The following RCOR3 variants were observed in gnomAD, a reference collection of about 807,000 sequenced individuals.
The protein encoded by RCOR3 is REST corepressor 3.
A neutral mutation model predicts 64.1 loss-of-function variants in RCOR3; 13 were observed. The observed-to-expected ratio is 0.20, with a 90% CI of 0.13 to 0.32. The LOEUF is 0.32. Among genes scored for constraint, RCOR3 ranks in the 10% least tolerant of loss-of-function variants. The probability of loss-of-function intolerance (pLI) is 1.00; values close to 1 mark genes in which losing one functional copy is unlikely to be tolerated. For missense variants in RCOR3, 489 were observed against 701.2 expected (o/e 0.70, Z 3.42); for synonymous variants, 215 against 239.0 (o/e 0.90, Z 0.93).
At chr1:211,261,023 G>A (rs1251132353) in intron 2 of RCOR3, 1 of 152,204 alleles carries the variant, frequency 6.6e-6, no homozygotes, top group Non-Finnish European at 1.5e-5. Flanking sequence ...GGAGTGGAGC[G>A]CGTTTCCTTC....
At chr1:211,266,747 A>G (rs572509821) in intron 2 of RCOR3, among the ~76,000 whole-genome samples, 41 of 152,224 alleles carry the variant, frequency 2.7e-4, no homozygotes, top group Non-Finnish European at 5.1e-4. Context: ...TGTCTGTTCA[A>G]TGTTTTAGTT....
chr1:211,287,265 A>G (rs1698663197), intron 7 of RCOR3, among the ~76,000 whole-genome samples: 2 of 151,760 alleles, frequency 1.3e-5, no homozygotes, highest in South Asian at 2.1e-4. Flanking sequence ...TTTTTTTCCT[A>G]CTTCACAAAG....
In RCOR3 at chr1:211,288,048, A is replaced by C. The variant is rs997365719; in HGVS notation, c.721-1130A>C. Among the ~76,000 whole-genome samples the C allele has an allele frequency of 5.3e-5, 8 of 151,948 alleles. No individual in the cohort carries two copies. The East Asian group carries it at 1.5e-3, about 29-fold the overall frequency. ...AACATGGTGAGACTCCCGTCTCTACAAAAAAAGAAAAATTAGCCAGGCATA... is the reference window on the plus strand; with the variant it reads ...AACATGGTGAGACTCCCGTCTCTACCAAAAAAGAAAAATTAGCCAGGCATA... On this transcript the variant is annotated intron_variant, in intron 7 of 11. Transcript: ENST00000419091.
At chr1:211,260,759 T>TGGG (rs1445480747) in intron 2 of RCOR3, among the ~76,000 whole-genome samples, 11 of 131,634 alleles carry the variant, frequency 8.4e-5, no homozygotes, top group Non-Finnish European at 1.8e-4. Flanking sequence ...GGGAAGGGGG[T>TGGG]GGGGAGACGC....
chr1:211,259,489 G>T lies in RCOR3; in HGVS notation c.-72G>T, dbSNP rs2102395727. 7.0e-7 allele frequency: 1 copy of T among 1,426,332 alleles called. No homozygotes were observed. The highest frequency in any genetic ancestry group is 1.3e-5 in the South Asian group (1 of 74,692). 88.4% of individuals were successfully genotyped at this position (1,426,332 alleles called of 1,614,324 possible). On this transcript the variant is annotated 5_prime_UTR_variant, in exon 1 of 12. Transcript: ENST00000419091. ...TCCTCCTCCTTTCCCTCCCGCCCGC[G>T]CTCTAAGCCATCTCCGCCTTCACCC...
chr1:211,289,154 G>T (rs1411392467), intron 7 of RCOR3, 24 bp from the exon 8 acceptor site: 1 of 1,577,804 alleles, frequency 6.3e-7, no homozygotes, highest in East Asian at 2.2e-5. Flanking sequence ...CAAGTGACCT[G>T]TTATTCTGCT....
intron 9 of RCOR3, chr1:211,302,100 A>G (rs1287378963): frequency 6.6e-6 from 1 of 152,230 alleles, no homozygotes; most frequent in African/African-American, 2.4e-5. Flanking sequence ...AAAAATTGCC[A>G]AACAAGAACA....
Position 211,313,892 on chromosome 1 carries a change from G to T in RCOR3, c.*124G>T. ...ACTGAGGCTGCGAACTAGTTCTGTG[G>T]CAGTGGACTAGCATAAGTGGATGTC... On this transcript the variant is annotated 3_prime_UTR_variant, in exon 12 of 12. Coordinates refer to ENST00000419091, the MANE Select transcript of RCOR3 (RefSeq NM_001136223.3). This position sits in a 1 kb window ranked among gnomAD's most constrained non-coding sequence, Gnocchi z 4.7. 1 of 901,180 alleles carries T rather than the reference G, an allele frequency of 1.1e-6. No individual in the cohort carries two copies. Among genetic ancestry groups the T allele is most frequent in the South Asian group, 1.7e-5 (1 of 57,268 alleles). The allele number at this position is 901,180 out of a possible 1,614,324, so 55.8% of individuals were successfully genotyped here.
chr1:211,308,400 A>C (rs1331923530), intron 10 of RCOR3, among the ~76,000 whole-genome samples: 2 of 152,212 alleles, frequency 1.3e-5, no homozygotes, highest in African/African-American at 4.8e-5. Flanking sequence ...AGAGATTTAC[A>C]GGAAGTGGAA....
intron 9 of RCOR3, among the ~76,000 whole-genome samples, chr1:211,298,157 C>CT (rs1414091093): frequency 6.6e-6 from 1 of 151,812 alleles, no homozygotes; most frequent in African/African-American, 2.4e-5. Flanking sequence ...TTTCCACCTG[C>CT]TTTTTAAAAA....
chr1:211,263,901 A>G (rs1375347416), intron 2 of RCOR3, among the ~76,000 whole-genome samples: 1 of 151,872 alleles, frequency 6.6e-6, no homozygotes, highest in South Asian at 2.1e-4. Context: ...GCTCACTGCA[A>G]CCTCCACCTC....
chr1:211,262,033 CTTT>C (rs1196587722), intron 2 of RCOR3, among the ~76,000 whole-genome samples: 5 of 65,512 alleles, frequency 7.6e-5, no homozygotes, highest in East Asian at 5.5e-4. Context: ...GCTATAAAAA[CTTT>C]TTTTTTTTTT....
At chr1:211,307,617 T>G (rs1433693069) in intron 10 of RCOR3, among the ~76,000 whole-genome samples, 1 of 152,134 alleles carries the variant, frequency 6.6e-6, no homozygotes, top group East Asian at 1.9e-4. Context: ...GACATTTAAA[T>G]TATAGTACAA....
chr1:211,267,951 G>T, intron 2 of RCOR3: 1 of 300,264 alleles, frequency 3.3e-6, no homozygotes, highest in Non-Finnish European at 6.4e-6. Context: ...TCTTTGAGAA[G>T]GGACATTTAA....
At chr1:211,309,086 TA>T (rs10688171) in intron 10 of RCOR3, among the ~76,000 whole-genome samples, 14 of 113,876 alleles carry the variant, frequency 1.2e-4, no homozygotes, top group African/African-American at 3.6e-4. Context: ...TAGCTAAACA[TA>T]AAAAAAAAAA....
At position 211,315,417 on chromosome 1, in the gene RCOR3, A is replaced by G. The variant is rs1399718498; in HGVS notation, c.*1649A>G. Reference sequence around the variant, plus strand: ...AATACCCTACGTACTGGCATATTTGAAACTCTTTTTCCAGGTTAGGTCCTT... The same window carrying G: ...AATACCCTACGTACTGGCATATTTGGAACTCTTTTTCCAGGTTAGGTCCTT... On this transcript the variant is annotated 3_prime_UTR_variant, in exon 12 of 12. Coordinates refer to ENST00000419091, the MANE Select transcript of RCOR3 (RefSeq NM_001136223.3). 2 of 152,196 alleles carry G rather than the reference A, an allele frequency of 1.3e-5. No homozygotes were observed. The highest frequency in any genetic ancestry group is 1.3e-4 in the Admixed American group (2 of 15,282). The allele number at this position is 152,196 out of a possible 1,614,324, so 9.4% of individuals were successfully genotyped here. A position where few individuals can be genotyped will look rare whatever the true frequency, so the allele number is the denominator to read the frequency against.
rs147762505 is a variant in RCOR3 at position 211,296,132 on chromosome 1, A to C, written c.1017+379A>C. Among the ~76,000 whole-genome samples, 407 of 152,320 alleles carry C rather than the reference A, an allele frequency of 2.7e-3. 3 individuals carry two copies. The highest frequency in any genetic ancestry group is 9.1e-3 in the African/African-American group (380 of 41,578). ...TTGGTAACACGGCAAGAAAAATATC[A>C]TGAAAACAAGCTAGATTATTTTAAC... is the stretch of plus-strand genomic sequence containing the variant. On this transcript the variant is annotated intron_variant, in intron 9 of 11. Transcript: ENST00000419091.
chr1:211,270,804 T>A (rs990756701), intron 2 of RCOR3, among the ~76,000 whole-genome samples: 4 of 60,258 alleles, frequency 6.6e-5, no homozygotes, highest in Non-Finnish European at 1.0e-4. Context: ...CTATATTTTC[T>A]TTACTTGTCC....
chr1:211,279,295 CA>C lies in RCOR3; in HGVS notation c.705del (p.Glu236LysfsTer46). ...ATGGGAATGATAGTGATTATGATCC[CA>C]AAAAAGAAGCCAAAAAAGAGGTAAT... ...MDGNDSDYDP[K>X]KEAKKEGNTE... is the part of the protein sequence containing the mutation. On this transcript the variant is annotated frameshift_variant, in exon 7 of 12. Coordinates refer to ENST00000419091, the MANE Select transcript of RCOR3 (RefSeq NM_001136223.3). LOFTEE classifies it high-confidence loss of function. The C allele has an allele frequency of 6.2e-7, 1 of 1,609,356 alleles. No homozygotes were observed. Among genetic ancestry groups the C allele is most frequent in the East Asian group, 2.2e-5 (1 of 44,624 alleles).
Sources: gnomAD v4.1 joint callset for allele counts (sites outside exome capture counted in the v4.1 genomes callset) on GRCh38, gnomAD v4.1.1 for gene constraint, Gnocchi (gnomAD v3.1) non-coding constraint, MANE v1.5 for transcripts, NCBI Gene and HGNC (gene_info 2026-07-23, HGNC 2026-07-21) for gene names.